CCDC9: variants seen among roughly 807,000 people sequenced by gnomAD.
CCDC9 encodes the protein coiled-coil domain containing 9.
In CCDC9, 52 loss-of-function variants were observed where a neutral mutation model predicts 65.6. The observed-to-expected ratio is 0.79, with a 90% CI of 0.63 to 1.00. The LOEUF (loss-of-function observed/expected upper bound fraction) is 1.00, where lower values mean the gene tolerates loss of function less well. Ranked by LOEUF, CCDC9 falls within the 50% of genes least tolerant of loss-of-function variation. CCDC9 has a pLI of 0.00. For missense variants in CCDC9, 834 were observed against 757.2 expected, an observed-to-expected ratio of 1.10 and a Z score of -1.19; for synonymous variants, 332 against 280.3, an observed-to-expected ratio of 1.18 and a Z score of -1.84.
intron 8 of CCDC9, among the ~76,000 whole-genome samples, chr19:47,269,507 A>C (rs1489165681): frequency 1.4e-4 from 22 of 151,850 alleles, no homozygotes; most frequent in Admixed American, 2.6e-4. Flanking sequence ...CCAGCCACCA[A>C]GCCCGGCTAA....
chr19:47,265,990 T>C (rs868072262), intron 7 of CCDC9, among the ~76,000 whole-genome samples: 75 of 79,396 alleles, frequency 9.4e-4, no homozygotes, highest in African/African-American at 3.5e-3. Flanking sequence ...CTGGCTTTTT[T>C]TTTTTTTTTT....
intron 1 of CCDC9, chr19:47,257,569 C>G (rs1285802040): frequency 6.6e-6 from 1 of 152,348 alleles, no homozygotes; most frequent in African/African-American, 2.4e-5. Context: ...CACAGAAAAT[C>G]TGGGGCGGGC....
downstream of CCDC9, chr19:47,273,858 G>C: frequency 2.3e-6 from 1 of 432,848 alleles, no homozygotes; most frequent in Non-Finnish European, 3.1e-6. Context: ...GTTTCTGGAG[G>C]GGGCAGGCTG....
downstream of CCDC9, chr19:47,274,129 C>G (rs1445043497): frequency 3.0e-6 from 1 of 335,874 alleles, no homozygotes; most frequent in African/African-American, 2.2e-5. Context: ...AAAAGCTGAC[C>G]GTTGGGGAGG....
chr19:47,272,143 G>C (rs934945574), downstream of CCDC9: 2 of 1,236,438 alleles, frequency 1.6e-6, no homozygotes, highest in East Asian at 3.1e-5. Flanking sequence ...TGAAGAGGAA[G>C]GGTCTGAGGC....
intron 7 of CCDC9, among the ~76,000 whole-genome samples, chr19:47,265,363 AATT>A: frequency 6.6e-6 from 1 of 152,058 alleles, no homozygotes; most frequent in Middle Eastern, 3.4e-3. Flanking sequence ...CCAGGATTTT[AATT>A]ATTAAGGATT....
At chr19:47,263,778 C>G (rs2059061516) in intron 5 of CCDC9, among the ~76,000 whole-genome samples, 1 of 151,912 alleles carries the variant, frequency 6.6e-6, no homozygotes. Flanking sequence ...GTTGGCCAGG[C>G]TGGTCTCGAA....
Position 47,258,632 on chromosome 19 carries a change from G to T in CCDC9, c.77G>T (p.Arg26Leu). ...GACAAGAGGATCGAGGCTCTTCGGCGGAAGAATGAGGCCCTCATCCGGCGC... is the reference window on the plus strand; with the variant it reads ...GACAAGAGGATCGAGGCTCTTCGGCTGAAGAATGAGGCCCTCATCCGGCGC... ...ELDKRIEALR[R>L]KNEALIRRYQ... is the part of the protein sequence containing the mutation. Residue 26 changes from arginine (R) to leucine (L), a missense_variant, in exon 3 of 12, where the codon CGG becomes CTG. Physicochemically the swap from Arg to Leu is moderately radical, Grantham distance 102. Transcript: ENST00000221922. 6.2e-7 allele frequency: 1 copy of T among 1,614,070 alleles called. No homozygotes were observed. Among genetic ancestry groups the T allele is most frequent in the Non-Finnish European group, 8.5e-7 (1 of 1,179,944 alleles).
In CCDC9 at chr19:47,271,567, C is replaced by T. The variant is rs1198429857; in HGVS notation, c.1485C>T (p.Gly495=). The part of the protein sequence containing the change: ...TPSSPFSPPS[G]HQPVSDWGEE... ...CCAGCCCTTTCTCACCACCCAGCGG[C>T]CACCAGCCTGTGTCCGATTGGGGTG... Residue 495 remains glycine, a synonymous_variant, in exon 12 of 12, where the codon GGC becomes GGT. Transcript: ENST00000221922. The T allele has an allele frequency of 1.9e-6, 3 of 1,613,170 alleles. No homozygotes were observed. The highest frequency in any genetic ancestry group is 2.5e-6 in the Non-Finnish European group (3 of 1,179,980).
At chr19:47,274,914 G>A (rs1263415671), downstream of CCDC9, 25 of 1,313,308 alleles carry the variant, frequency 1.9e-5, no homozygotes, top group Non-Finnish European at 2.3e-5. Context: ...CGAGTGGGCT[G>A]CGGGGATGCG....
chr19:47,273,147 C>T (rs561764881), downstream of CCDC9, among the ~76,000 whole-genome samples: 3 of 152,148 alleles, frequency 2.0e-5, no homozygotes, highest in South Asian at 2.1e-4. Context: ...CGCGTTTCCT[C>T]GATTGTAAAC....
rs755121878 is a variant in CCDC9 at position 47,264,697 on chromosome 19, C to T, written c.546+11C>T. ...GAGCGCAACCAGCGGGTCAGTGGTG[C>T]GGGTGTCCCCGAGGCAGGGCCGAGC... On this transcript the variant is annotated intron_variant, in intron 6 of 11. Coordinates refer to ENST00000221922, the MANE Select transcript of CCDC9 (RefSeq NM_015603.3). The T allele has an allele frequency of 6.2e-6, 10 of 1,602,404 alleles. No homozygotes were observed. Among genetic ancestry groups the T allele is most frequent in the East Asian group, 4.5e-5 (2 of 44,364 alleles).
Position 47,260,685 on chromosome 19 carries a change from C to A in CCDC9, c.308C>A (p.Ala103Asp). The A allele has an allele frequency of 6.5e-7, 1 of 1,546,318 alleles. No individual in the cohort carries two copies. The highest frequency in any genetic ancestry group is 1.3e-5 in the South Asian group (1 of 79,924). ...ACTCCTCCACAGCAGGGAGGCCGGG[C>A]CGGCATGGGCCGAGCATCGCGCAGC... ...GRTPPQQGGR[A>D]GMGRASRSWE... Residue 103 changes from alanine to aspartate, a missense_variant, in exon 5 of 12, where the codon GCC (alanine) becomes GAC (aspartate). Ala to Asp is a moderately radical substitution (Grantham distance 126). Transcript: ENST00000221922.
At chr19:47,265,410 T>C (rs1234918663) in intron 7 of CCDC9, among the ~76,000 whole-genome samples, 5 of 152,022 alleles carry the variant, frequency 3.3e-5, no homozygotes, top group Admixed American at 3.3e-4. Context: ...AAGGTAAATC[T>C]CCCCTCATTG....
In CCDC9 at chr19:47,271,315, C is replaced by CGAGGGGGAAGAGAAT. The variant is rs781661175; in HGVS notation, c.1246_1260dup (p.Asn416_Glu420dup). The CGAGGGGGAAGAGAAT allele has an allele frequency of 5.0e-6, 8 of 1,610,786 alleles. No individual in the cohort carries two copies. Among genetic ancestry groups the CGAGGGGGAAGAGAAT allele is most frequent in the Non-Finnish European group, 6.8e-6 (8 of 1,178,542 alleles). Reference sequence around the variant, plus strand: ...CTCCTGCCCACCGGCCTCCTGAAGACGAGGGGGAAGAGAATGAGGGGGAAG... The same window carrying CGAGGGGGAAGAGAAT: ...CTCCTGCCCACCGGCCTCCTGAAGACGAGGGGGAAGAGAATGAGGGGGAAGAGAATGAGGGGGAAG... On this transcript the variant is annotated inframe_insertion, in exon 12 of 12. Coordinates refer to ENST00000221922, the MANE Select transcript of CCDC9 (RefSeq NM_015603.3).
rs1344158542 is a variant in CCDC9, at chr19:47,260,442, G to A, written c.210+20G>A. On this transcript the variant is annotated intron_variant, in intron 4 of 11. Transcript: ENST00000221922. Reference sequence around the variant, plus strand: ...GAGTCGGTGAGCTCGTCACTGGGGTGTGGGACCCTGAGGATGGGGAGGGGC... The same window carrying A: ...GAGTCGGTGAGCTCGTCACTGGGGTATGGGACCCTGAGGATGGGGAGGGGC... 2 of 1,609,124 alleles carry A rather than the reference G, an allele frequency of 1.2e-6. No individual in the cohort carries two copies. The highest frequency in any genetic ancestry group is 8.5e-7 in the Non-Finnish European group (1 of 1,177,198).
At chr19:47,275,094 C>T, downstream of CCDC9, 1 of 1,494,296 alleles carries the variant, frequency 6.7e-7, no homozygotes, top group Non-Finnish European at 8.9e-7. Flanking sequence ...GGTACCCACG[C>T]GGTCTCCCGC....
In CCDC9 at chr19:47,260,339, A is replaced by G; in HGVS notation, c.127A>G (p.Lys43Glu). Residue 43 changes from lysine (K) to glutamate (E), a missense_variant, in exon 4 of 12, where the codon AAG becomes GAG. Coordinates refer to ENST00000221922, the MANE Select transcript of CCDC9 (RefSeq NM_015603.3). ...CTCCTAGGAGATTGAGGAAGACCGT[A>G]AGAAAGCTGAACTTGAGGGAGTCGC... is the stretch of plus-strand genomic sequence containing the variant. ...RRYQEIEEDRKKAELEGVAVT... is the reference protein window; with the variant it reads ...RRYQEIEEDREKAELEGVAVT... The G allele has an allele frequency of 6.3e-7, 1 of 1,594,984 alleles. No individual in the cohort carries two copies. Among genetic ancestry groups the G allele is most frequent in the South Asian group, 1.1e-5 (1 of 88,294 alleles).
At chr19:47,268,675 T>G (rs1315612421) in intron 8 of CCDC9, among the ~76,000 whole-genome samples, 1 of 152,072 alleles carries the variant, frequency 6.6e-6, no homozygotes, top group Non-Finnish European at 1.5e-5. Context: ...CCCAGCACTT[T>G]GGGAGGCTGA....
Sources: gnomAD v4.1 joint callset for allele counts (sites outside exome capture counted in the v4.1 genomes callset) on GRCh38, gnomAD v4.1.1 for gene constraint, MANE v1.5 for transcripts, NCBI Gene and HGNC (gene_info 2026-07-23, HGNC 2026-07-21) for gene names.